PCNX3: variants seen among roughly 807,000 people sequenced by gnomAD.
PCNX3 encodes pecanex-like protein 3.
PCNX3 carries 58 observed loss-of-function variants against 207.2 expected under a neutral mutation model. The ratio of observed to expected loss-of-function variants is 0.28; its 90% CI spans 0.23 to 0.35. PCNX3 has a LOEUF of 0.35. Ranked by LOEUF, PCNX3 falls within the 10% of genes least tolerant of loss-of-function variation. PCNX3 has a pLI of 1.00. For missense variants in PCNX3, 2,410 were observed against 2,774.4 expected (o/e 0.87, Z 2.95); for synonymous variants, 1,337 against 1,183.5 (o/e 1.13, Z -2.66).
At chr11:65,616,518 C>G in intron 1 of PCNX3, 54 bp downstream of exon 1, 1 of 1,541,216 alleles carries the variant, frequency 6.5e-7, no homozygotes, top group Non-Finnish European at 8.8e-7. Context: ...GGCAGCCTGG[C>G]AGGGATTCAG....
chr11:65,620,464 C>T, intron 9 of PCNX3, 35 bp downstream of exon 9: 1 of 1,599,774 alleles, frequency 6.3e-7, no homozygotes, highest in Non-Finnish European at 8.5e-7. Context: ...AAGCCATTGT[C>T]TTGGTGGCCT....
In PCNX3 at chr11:65,636,986, G is replaced by A. The variant is rs763298781; in HGVS notation, c.*8G>A. On this transcript the variant is annotated 3_prime_UTR_variant, in exon 35 of 35. Transcript: ENST00000355703. The stretch of plus-strand genomic sequence containing the variant: ...CTGGAACACCAGTACTGAGCTACCT[G>A]GCGCCCACTGGACCACCTCCTAGGA... 1 of 1,561,874 alleles carries A rather than the reference G, an allele frequency of 6.4e-7. No homozygotes were observed. The highest frequency in any genetic ancestry group is 1.2e-5 in the South Asian group (1 of 85,242).
At position 65,625,334 on chromosome 11, in the gene PCNX3, T is replaced by C; in HGVS notation, c.3029+54T>C. 2.5e-6 allele frequency: 4 copies of C among 1,590,248 alleles called. No individual in the cohort carries two copies. Among genetic ancestry groups the C allele is most frequent in the Non-Finnish European group, 3.4e-6 (4 of 1,167,548 alleles). On this transcript the variant is annotated intron_variant, in intron 17 of 34. Coordinates refer to ENST00000355703, the MANE Select transcript of PCNX3 (RefSeq NM_032223.4). The surrounding 1 kb of genome is among the most constrained non-coding windows in gnomAD (Gnocchi z 5.6). ...GTCTGCCCAGTAGGGGTTTGTGGTC[T>C]GTGCATGTGCCCGTGACTGGGGCCG...
At position 65,619,790 on chromosome 11, in the gene PCNX3, C is replaced by T; in HGVS notation, c.1866C>T (p.Ser622=). The change falls in exon 8 of 35, where the codon TCC becomes TCT. Residue 622 remains serine, a synonymous_variant. Transcript: ENST00000355703. ...AAGCTCAGCGGGGCCGGGCTGCCTC[C>T]CACTCCCGGGCGCTGACGCTGCCCT... is the stretch of plus-strand genomic sequence containing the variant. The part of the protein sequence containing the change: ...LQEAQRGRAA[S]HSRALTLPSA... 1 of 1,586,714 alleles carries T rather than the reference C, an allele frequency of 6.3e-7. No individual in the cohort carries two copies. Among genetic ancestry groups the T allele is most frequent in the Non-Finnish European group, 8.5e-7 (1 of 1,172,340 alleles).
At chr11:65,636,057 G>T in intron 32 of PCNX3, 117 bp from the exon 33 acceptor site, 1 of 1,447,200 alleles carries the variant, frequency 6.9e-7, no homozygotes, top group Non-Finnish European at 9.4e-7. Context: ...TTAGAGGGGA[G>T]GATCCTGGGG....
At chr11:65,617,122 A>G (rs1854778484) in intron 2 of PCNX3, 111 bp downstream of exon 2, 1 of 1,389,040 alleles carries the variant, frequency 7.2e-7, no homozygotes, top group African/African-American at 1.4e-5. Context: ...GTGATTGTGA[A>G]CACTTGTCCT....
rs1323490426 is a variant in PCNX3 at position 65,625,766 on chromosome 11, G to T, written c.3228+22G>T. ...GAAGGTTTGTGTGGCATGGGCCGCT[G>T]CTGCCTCTCGCTGTCTTGGCGGGAG... On this transcript the variant is annotated intron_variant, in intron 19 of 34. Transcript: ENST00000355703. The surrounding 1 kb of genome is among the most constrained non-coding windows in gnomAD (Gnocchi z 5.6). 3.1e-6 allele frequency: 5 copies of T among 1,602,390 alleles called. No individual in the cohort carries two copies. The highest frequency in any genetic ancestry group is 4.3e-6 in the Non-Finnish European group (5 of 1,176,444).
intron 8 of PCNX3, 115 bp downstream of exon 8, chr11:65,620,047 C>T (rs2135415520): frequency 1.7e-6 from 2 of 1,143,746 alleles, no homozygotes; most frequent in East Asian, 2.6e-5. Context: ...CTAATGCTGC[C>T]AGACATCATC....
rs754224765 is a variant in PCNX3 at position 65,618,870 on chromosome 11, T to G, written c.1508T>G (p.Val503Gly). The G allele has an allele frequency of 6.2e-7, 1 of 1,610,922 alleles. No individual in the cohort carries two copies. The highest frequency in any genetic ancestry group is 2.2e-5 in the East Asian group (1 of 44,822). ...STASAKTHAR[V>G]LSMDGAGGDV... ...GCCAGCGCTAAAACACATGCCCGTG[T>G]GCTGAGCATGGATGGGGCTGGGGGT... The change falls in exon 6 of 35, where the codon GTG becomes GGG. Residue 503 changes from valine (V) to glycine (G), a missense_variant. Coordinates refer to ENST00000355703, the MANE Select transcript of PCNX3 (RefSeq NM_032223.4).
chr11:65,618,295 C>T lies in PCNX3; in HGVS notation c.933C>T (p.Ser311=), dbSNP rs543353530. ...GCGGCACTGACAGGGAGACATTGAG[C>T]AGCTTCAAGAGTGAGAAGACCAACT... ...CFSGTDRETL[S]SFKSEKTNST... Residue 311 remains serine, a synonymous_variant, in exon 6 of 35, where the codon AGC becomes AGT. Transcript: ENST00000355703. The T allele has an allele frequency of 6.8e-6, 11 of 1,609,906 alleles. No homozygotes were observed. In the East Asian group the frequency reaches 1.6e-4, roughly 23 times the overall value.
At position 65,636,529 on chromosome 11, in the gene PCNX3, T is replaced by A; in HGVS notation, c.5732T>A (p.Ile1911Asn). Residue 1911 changes from isoleucine (I) to asparagine (N), a missense_variant, in exon 34 of 35, where the codon ATC (isoleucine) becomes AAC (asparagine). Around this residue, in one of 8 missense-constraint regions of PCNX3, gnomAD observed 278 missense variants for 245.1 expected, o/e 1.13. Transcript: ENST00000355703. ...RLPGPPPASPIPTEGPRTSRP... is the reference protein window; with the variant it reads ...RLPGPPPASPNPTEGPRTSRP... Reference sequence around the variant, plus strand: ...CCTGGACCACCCCCTGCATCGCCTATCCCCACAGAGGGTCCCCGGACCTCA... The same window carrying A: ...CCTGGACCACCCCCTGCATCGCCTAACCCCACAGAGGGTCCCCGGACCTCA... 1.3e-6 allele frequency: 2 copies of A among 1,588,564 alleles called. No individual in the cohort carries two copies. Among genetic ancestry groups the A allele is most frequent in the South Asian group, 2.2e-5 (2 of 89,022 alleles).
chr11:65,628,401 C>G (rs1450012597), intron 22 of PCNX3, among the ~76,000 whole-genome samples, 194 bp from the exon 23 acceptor site: 2 of 152,200 alleles, frequency 1.3e-5, no homozygotes, highest in African/African-American at 4.8e-5. Flanking sequence ...CCCCTTTGAG[C>G]TCAGGCAGGG....
chr11:65,627,474 G>A lies in PCNX3; in HGVS notation c.3594G>A (p.Gln1198=). Residue 1198 remains glutamine, a synonymous_variant, in exon 22 of 35, where the codon CAG becomes CAA. Coordinates refer to ENST00000355703, the MANE Select transcript of PCNX3 (RefSeq NM_032223.4). ...LLRSAFCCPP[Q]QYLTLAFTVL... is the part of the protein sequence containing the mutation. ...GCTCAGCCTTCTGCTGCCCCCCACA[G>A]CAGTACCTGACGTTGGCCTTCACCG... 2 of 1,613,656 alleles carry A rather than the reference G, an allele frequency of 1.2e-6. No homozygotes were observed. The highest frequency in any genetic ancestry group is 2.2e-5 in the East Asian group (1 of 44,864).
At position 65,618,175 on chromosome 11, in the gene PCNX3, A is replaced by G. The variant is rs1384082520; in HGVS notation, c.813A>G (p.Glu271=). The G allele has an allele frequency of 6.2e-7, 1 of 1,606,010 alleles. No individual in the cohort carries two copies. The highest frequency in any genetic ancestry group is 1.7e-5 in the Admixed American group (1 of 59,518). Residue 271 remains glutamate (E), a synonymous_variant, in exon 6 of 35, where the codon GAA becomes GAG. Transcript: ENST00000355703. ...RALVRTSSRR[E]QRRGAGGYQP... is the part of the protein sequence containing the mutation. ...TGGTGAGGACCAGCAGTCGACGGGA[A>G]CAACGCAGGGGGGCAGGTGGCTATC...
intron 11 of PCNX3, 106 bp downstream of exon 11, chr11:65,622,472 C>CA (rs1363817670): frequency 1.5e-6 from 2 of 1,357,180 alleles, no homozygotes; most frequent in Non-Finnish European, 2.0e-6. Flanking sequence ...GAGCCTGACT[C>CA]GGGGGAAGCT....
At chr11:65,636,011 A>T (rs1255581325) in intron 32 of PCNX3, among the ~76,000 whole-genome samples, 163 bp from the exon 33 acceptor site, 1 of 151,980 alleles carries the variant, frequency 6.6e-6, no homozygotes, top group Non-Finnish European at 1.5e-5. Flanking sequence ...TTGACAACGC[A>T]CCCTCAAAAG....
chr11:65,626,475 G>A (rs1855397975), intron 20 of PCNX3: 2 of 394,278 alleles, frequency 5.1e-6, no homozygotes, highest in Non-Finnish European at 4.8e-6. Context: ...GAGATATGAA[G>A]ATCCATGTTT....
At position 65,626,551 on chromosome 11, in the gene PCNX3, CA is replaced by C. The variant is rs1565164904; in HGVS notation, c.3380-352del. The C allele has an allele frequency of 7.0e-6, 3 of 429,078 alleles. No homozygotes were observed. The East Asian group carries it at 1.5e-4, about 22-fold the overall frequency. The allele number at this position is 429,078 out of a possible 1,614,324, so 26.6% of individuals were successfully genotyped here. Reference sequence around the variant, plus strand: ...ACTAGCATCCCTCTGTGGCTACAACCAGCCTGAACCGAGGGGTCTGCCCTTT... The same window carrying C: ...ACTAGCATCCCTCTGTGGCTACAACCGCCTGAACCGAGGGGTCTGCCCTTT... On this transcript the variant is annotated intron_variant, in intron 20 of 34. Coordinates refer to ENST00000355703, the MANE Select transcript of PCNX3 (RefSeq NM_032223.4).
chr11:65,634,932 C>T (rs531475359), intron 29 of PCNX3, 41 bp from the exon 30 acceptor site: 31 of 1,588,764 alleles, frequency 2.0e-5, no homozygotes, highest in African/African-American at 1.3e-4. Flanking sequence ...CCTGGGTCCT[C>T]GACACCCCTC....
Sources: allele counts gnomAD v4.1 joint callset (sites outside exome capture counted in the v4.1 genomes callset), GRCh38; gene constraint gnomAD v4.1.1; regional missense constraint gnomAD v4.1.1; non-coding constraint Gnocchi (gnomAD v3.1); transcripts MANE v1.5; gene names NCBI Gene and HGNC (gene_info 2026-07-23, HGNC 2026-07-21).